Variants in KCNN2 observed in about 807,000 individuals in gnomAD.
The protein encoded by KCNN2 is potassium calcium-activated channel subfamily N member 2, also known as small conductance calcium-activated potassium channel protein 2.
Under a neutral mutation model 55.5 loss-of-function variants are expected in KCNN2, and 24 were observed. The ratio of observed to expected loss-of-function variants is 0.43; its 90% CI spans 0.31 to 0.61. The LOEUF (loss-of-function observed/expected upper bound fraction) is 0.61, where lower values mean the gene tolerates loss of function less well. Among genes scored for constraint, KCNN2 ranks in the 20% least tolerant of loss-of-function variants. The pLI, the probability that KCNN2 is intolerant of heterozygous loss-of-function variation, is 0.08. For synonymous variants in KCNN2, 431 were observed against 336.1 expected (o/e 1.28, Z -3.09); for missense variants, 754 against 853.6 (o/e 0.88, Z 1.45).
intron 1 of KCNN2, among the ~76,000 whole-genome samples, chr5:114,204,186 A>G (rs997465056): frequency 2.0e-5 from 3 of 152,128 alleles, no homozygotes; most frequent in Non-Finnish European, 4.4e-5. Flanking sequence ...AGATGCTAAC[A>G]TCCTCCCCCA....
At chr5:114,157,053 G>T (rs1168127614) in intron 1 of KCNN2, among the ~76,000 whole-genome samples, 2 of 151,414 alleles carry the variant, frequency 1.3e-5, no homozygotes, top group African/African-American at 2.4e-5. Context: ...TGTGCACAAT[G>T]TGCAGGTTTG....
At chr5:114,062,040 A>T (rs1750343587) in intron 1 of KCNN2, among the ~76,000 whole-genome samples, 1 of 152,168 alleles carries the variant, frequency 6.6e-6, no homozygotes, top group South Asian at 2.1e-4. Context: ...ACATCTTCTC[A>T]TACAGAATAC....
intron 3 of KCNN2, among the ~76,000 whole-genome samples, chr5:114,405,462 A>G (rs1301536077): frequency 6.6e-6 from 1 of 152,150 alleles, no homozygotes; most frequent in Non-Finnish European, 1.5e-5. Flanking sequence ...ATATTCTCAG[A>G]TTTCAGGAGT....
intron 1 of KCNN2, among the ~76,000 whole-genome samples, chr5:114,129,427 C>T (rs184189041): frequency 9.9e-5 from 15 of 152,282 alleles, no homozygotes; most frequent in South Asian, 2.1e-4. Flanking sequence ...CTGCCACTGA[C>T]GCTCTTCATA....
chr5:114,361,651 C>T (rs74931125), upstream of KCNN2, among the ~76,000 whole-genome samples: 8 of 151,970 alleles, frequency 5.3e-5, no homozygotes, highest in Non-Finnish European at 1.2e-4. Flanking sequence ...AGCCTGCCCC[C>T]GGCCAAGGTG....
intron 2 of KCNN2, among the ~76,000 whole-genome samples, chr5:114,312,042 T>C (rs934363927): frequency 3.9e-5 from 6 of 152,088 alleles, no homozygotes; most frequent in African/African-American, 1.4e-4. Flanking sequence ...TATCAGTGAA[T>C]CAGGGATCTA....
intron 3 of KCNN2, among the ~76,000 whole-genome samples, chr5:114,437,114 C>CA (rs1760035311): frequency 6.6e-6 from 1 of 151,718 alleles, no homozygotes; most frequent in Non-Finnish European, 1.5e-5. Context: ...GCTTTAAGTA[C>CA]AAGTCTTTCA....
chr5:114,370,017 T>G (rs1345223758), intron 2 of KCNN2, among the ~76,000 whole-genome samples: 2 of 152,116 alleles, frequency 1.3e-5, no homozygotes, highest in Non-Finnish European at 2.9e-5. Context: ...GTGGGGTTGT[T>G]TTAGAGAGAA....
At chr5:114,158,120 G>A (rs1007436255) in intron 1 of KCNN2, among the ~76,000 whole-genome samples, 5 of 151,956 alleles carry the variant, frequency 3.3e-5, no homozygotes, top group Admixed American at 6.6e-5. Context: ...TTTCTTCTAG[G>A]GTTTTTATGG....
At position 114,344,991 on chromosome 5, in the gene KCNN2, C is replaced by T. The variant is rs1348873819; in HGVS notation, c.-184-15954C>T. Among the ~76,000 whole-genome samples, 4 of 152,266 alleles carry T rather than the reference C, an allele frequency of 2.6e-5. No homozygotes were observed. The East Asian group carries it at 7.7e-4, about 29-fold the overall frequency. ...GCTAGGATTTTGCCCTGAAGATACA[C>T]CTTCATCAATTTGAAAATACATATG... On this transcript the variant is annotated intron_variant, in intron 2 of 10. Transcript: ENST00000512097.
chr5:114,369,128 G>A (rs1757689492), intron 2 of KCNN2, among the ~76,000 whole-genome samples: 1 of 152,172 alleles, frequency 6.6e-6, no homozygotes, highest in Admixed American at 6.5e-5. Flanking sequence ...TAGTCTTCTA[G>A]AAAGGCCGTC....
intron 1 of KCNN2, among the ~76,000 whole-genome samples, chr5:114,147,529 G>C (rs541256452): frequency 6.6e-6 from 1 of 152,302 alleles, no homozygotes; most frequent in South Asian, 2.1e-4. Flanking sequence ...CTGCAGGACA[G>C]TGGATGAAAG....
chr5:114,093,091 T>C (rs10054306), intron 1 of KCNN2, among the ~76,000 whole-genome samples: 78,995 of 151,926 alleles, frequency 0.52, 21,530 homozygotes, highest in East Asian at 0.69. Flanking sequence ...GCTTTTATGC[T>C]CTCCTTTCCT....
rs565842002 is a variant in KCNN2, at chr5:114,480,733, A to G, written c.1891-6317A>G. 2.0e-5 allele frequency among the ~76,000 whole-genome samples: 3 copies of G among 152,312 alleles called. No homozygotes were observed. The South Asian group carries it at 6.2e-4, about 32-fold the overall frequency. On this transcript the variant is annotated intron_variant, in intron 5 of 7. Transcript: ENST00000673685. Reference sequence around the variant, plus strand: ...CAACATATGCAAATCAATAAATGTGATTCATCACAATAACAGAACTAAGGA... The same window carrying G: ...CAACATATGCAAATCAATAAATGTGGTTCATCACAATAACAGAACTAAGGA...
chr5:114,255,271 T>C (rs1371596385), intron 2 of KCNN2, among the ~76,000 whole-genome samples: 3 of 152,114 alleles, frequency 2.0e-5, no homozygotes, highest in Non-Finnish European at 4.4e-5. Context: ...AGTAGAGCTA[T>C]ATGTAAGTAT....
intron 1 of KCNN2, among the ~76,000 whole-genome samples, chr5:114,122,734 C>G (rs1296854299): frequency 6.6e-6 from 1 of 152,036 alleles, no homozygotes; most frequent in Non-Finnish European, 1.5e-5. Flanking sequence ...CCCTATTTCT[C>G]AACAGAAAGA....
intron 2 of KCNN2, among the ~76,000 whole-genome samples, chr5:114,346,079 G>A (rs1053564143): frequency 9.2e-5 from 14 of 152,334 alleles, no homozygotes; most frequent in African/African-American, 2.6e-4. Context: ...ACAGTGCTCA[G>A]CCCTCAGGGA....
intron 1 of KCNN2, among the ~76,000 whole-genome samples, chr5:114,184,587 T>G (rs1284516031): frequency 1.3e-5 from 2 of 152,202 alleles, no homozygotes; most frequent in Non-Finnish European, 2.9e-5. Flanking sequence ...GCCTGTGGCT[T>G]TAGTGTTAAG....
intron 1 of KCNN2, among the ~76,000 whole-genome samples, chr5:114,129,775 TG>T (rs1752034187): frequency 6.6e-6 from 1 of 152,236 alleles, no homozygotes; most frequent in South Asian, 2.1e-4. Context: ...TGTGGAGACC[TG>T]CATCATAGAC....
Sources: gnomAD v4.1 joint callset for allele counts (sites outside exome capture counted in the v4.1 genomes callset) on GRCh38, gnomAD v4.1.1 for gene constraint, MANE v1.5 for transcripts, NCBI Gene and HGNC (gene_info 2026-07-23, HGNC 2026-07-21) for gene names.